Variants in EXPH5 observed in about 807,000 individuals in gnomAD.
The protein encoded by EXPH5 is exophilin-5.
A neutral mutation model predicts 41.1 loss-of-function variants in EXPH5; 42 were observed. That is an observed-to-expected ratio of 1.02 (90% CI 0.80 to 1.32). The LOEUF (loss-of-function observed/expected upper bound fraction) is 1.32, where lower values mean the gene tolerates loss of function less well. EXPH5 is among the 40% of genes most tolerant of loss of function. EXPH5 has a pLI of 0.00. For synonymous variants in EXPH5, 798 were observed against 833.5 expected, an observed-to-expected ratio of 0.96 and a Z score of 0.73; for missense variants, 2,298 against 2,314.5, an observed-to-expected ratio of 0.99 and a Z score of 0.15.
intron 1 of EXPH5, among the ~76,000 whole-genome samples, chr11:108,571,848 C>T (rs2094061267): frequency 6.6e-6 from 1 of 151,992 alleles, no homozygotes; most frequent in African/African-American, 2.4e-5. Flanking sequence ...ATCATGAGGT[C>T]AGGAGATCGA....
rs77468046 is a variant in EXPH5 at position 108,579,200 on chromosome 11, GTT to G, written c.119+14216_119+14217del. 8.3e-3 allele frequency among the ~76,000 whole-genome samples: 1,197 copies of G among 144,974 alleles called. 8 individuals are homozygous for G. The highest frequency in any genetic ancestry group is 0.02 in the African/African-American group (805 of 39,550). Reference sequence around the variant, plus strand: ...TCCTTCTATATGCAGTTTGTTGAGAGTTTTTTTTTTTTTTATCATGAAGAGAT... The same window carrying G: ...TCCTTCTATATGCAGTTTGTTGAGAGTTTTTTTTTTTTATCATGAAGAGAT... On this transcript the variant is annotated intron_variant, in intron 1 of 5. Transcript: ENST00000265843.
At chr11:108,600,540 A>T in the EXPH5 span, among the ~76,000 whole-genome samples, 1 of 152,310 alleles carries the variant, frequency 6.6e-6, no homozygotes, top group East Asian at 1.9e-4. Context: ...ACTAAATAGA[A>T]TTTGATAATT....
the EXPH5 span, among the ~76,000 whole-genome samples, chr11:108,601,651 G>A: frequency 0.97 from 147,582 of 152,320 alleles, 71,696 homozygotes; most frequent in East Asian, 1. Flanking sequence ...TATATTGTAA[G>A]TATTTGAATA....
intron 3 of EXPH5, among the ~76,000 whole-genome samples, chr11:108,530,709 A>G (rs1021675426): frequency 6.6e-6 from 1 of 152,194 alleles, no homozygotes; most frequent in African/African-American, 2.4e-5. Flanking sequence ...TGGCAGCAGG[A>G]GCAGGTTTCT....
At position 108,510,299 on chromosome 11, in the gene EXPH5, T is replaced by C; in HGVS notation, c.5208A>G (p.Thr1736=). The C allele has an allele frequency of 6.2e-7, 1 of 1,614,152 alleles. No homozygotes were observed. The highest frequency in any genetic ancestry group is 8.5e-7 in the Non-Finnish European group (1 of 1,180,042). ...ATTCTGCTTCCCTGAGGCTGGTGAATGTGATGGGTGATGGGGCTCCTGATT... is the reference window on the plus strand; with the variant it reads ...ATTCTGCTTCCCTGAGGCTGGTGAACGTGATGGGTGATGGGGCTCCTGATT... The part of the protein sequence containing the change: ...VRESGAPSPI[T]FTSLREAEFS... Residue 1736 remains threonine, a synonymous_variant, in exon 6 of 6, where the codon ACA becomes ACG. Coordinates refer to ENST00000265843, the MANE Select transcript of EXPH5 (RefSeq NM_015065.3).
chr11:108,572,078 T>C (rs2094062388), intron 1 of EXPH5, among the ~76,000 whole-genome samples: 1 of 149,904 alleles, frequency 6.7e-6, no homozygotes, highest in Non-Finnish European at 1.5e-5. Flanking sequence ...TGAACATAAC[T>C]GCTCAGTTTG....
Position 108,510,402 on chromosome 11 carries a change from T to G in EXPH5, c.5105A>C (p.Glu1702Ala), listed in dbSNP as rs750551739. Residue 1702 changes from glutamate to alanine, a missense_variant, in exon 6 of 6, where the codon GAG becomes GCG. Transcript: ENST00000265843. Reference protein sequence around the residue: ...SNSISQRHQNEFKNVSESPSK... With the variant: ...SNSISQRHQNAFKNVSESPSK... ...TGGTGATTCTGAGACGTTTTTAAAC[T>G]CATTCTGATGTCGTTGTGAAATGCT... 6 of 1,613,978 alleles carry G rather than the reference T, an allele frequency of 3.7e-6. No individual in the cohort carries two copies. Among genetic ancestry groups the G allele is most frequent in the Admixed American group, 1.7e-5 (1 of 59,898 alleles).
intron 3 of EXPH5, among the ~76,000 whole-genome samples, 155 bp downstream of exon 3, chr11:108,538,869 G>A (rs1777827027): frequency 6.6e-6 from 1 of 152,194 alleles, no homozygotes; most frequent in South Asian, 2.1e-4. Context: ...TAAGAACTTT[G>A]TCACTATGCA....
the EXPH5 span, among the ~76,000 whole-genome samples, chr11:108,606,039 T>A: frequency 2.6e-5 from 4 of 152,308 alleles, no homozygotes; most frequent in East Asian, 3.9e-4. Flanking sequence ...CTTCTTTTTT[T>A]AAAAATAGAG....
chr11:108,544,845 G>A (rs1459974669), intron 1 of EXPH5, among the ~76,000 whole-genome samples: 1 of 152,090 alleles, frequency 6.6e-6, no homozygotes, highest in African/African-American at 2.4e-5. Flanking sequence ...CACAAAAAAT[G>A]GAAAACACCT....
intron 2 of EXPH5, among the ~76,000 whole-genome samples, chr11:108,540,339 T>C (rs1274893553): frequency 6.6e-6 from 1 of 151,810 alleles, no homozygotes. Context: ...AATAAATAAA[T>C]AAAATTAAAC....
At chr11:108,581,125 G>A (rs776913559) in intron 1 of EXPH5, among the ~76,000 whole-genome samples, 7 of 152,046 alleles carry the variant, frequency 4.6e-5, no homozygotes, top group Admixed American at 3.3e-4. Flanking sequence ...GCAACATGGC[G>A]AAACCCTGTC....
At chr11:108,544,175 T>C (rs1201192201) in intron 1 of EXPH5, among the ~76,000 whole-genome samples, 1 of 152,166 alleles carries the variant, frequency 6.6e-6, no homozygotes, top group Non-Finnish European at 1.5e-5. Context: ...ACTCTCTTTT[T>C]ACAATTTTTA....
In EXPH5 at chr11:108,510,537, C is replaced by T; in HGVS notation, c.4970G>A (p.Ser1657Asn). The change falls in exon 6 of 6, where the codon AGC becomes AAC. Residue 1657 changes from serine to asparagine, a missense_variant. Physicochemically the swap from Ser to Asn is conservative, Grantham distance 46 (BLOSUM62 1). Transcript: ENST00000265843. ...ATGCTTTCCGTTCTCACTCAACCTG[C>T]TTTCGCCAATGGACTCTGCAGATTT... ...TPKSAESIGE[S>N]RLSENGKHVK... 1 of 1,614,158 alleles carries T rather than the reference C, an allele frequency of 6.2e-7. No individual in the cohort carries two copies. The highest frequency in any genetic ancestry group is 1.1e-5 in the South Asian group (1 of 91,074).
intron 1 of EXPH5, among the ~76,000 whole-genome samples, chr11:108,591,131 C>T (rs182776061): frequency 1.3e-3 from 191 of 152,340 alleles, no homozygotes; most frequent in African/African-American, 3.8e-3. Flanking sequence ...AGTAAAAAGG[C>T]TTCCCTGAGT....
chr11:108,562,692 G>A (rs1385218395), intron 1 of EXPH5, among the ~76,000 whole-genome samples: 1 of 152,176 alleles, frequency 6.6e-6, no homozygotes, highest in African/African-American at 2.4e-5. Context: ...GCCGGGCATG[G>A]TGGCTCACAC....
intron 1 of EXPH5, among the ~76,000 whole-genome samples, chr11:108,588,804 C>T (rs1346559953): frequency 1.3e-5 from 2 of 152,144 alleles, no homozygotes; most frequent in African/African-American, 2.4e-5. Context: ...AAGAACACTG[C>T]TGCTTGGCAT....
At chr11:108,549,486 C>T (rs549876480) in intron 1 of EXPH5, among the ~76,000 whole-genome samples, 10 of 152,296 alleles carry the variant, frequency 6.6e-5, no homozygotes, top group African/African-American at 2.4e-4. Context: ...CCTTGCTGAC[C>T]TTTGCTTGTC....
chr11:108,560,876 C>A (rs2094008427), intron 1 of EXPH5, among the ~76,000 whole-genome samples: 1 of 152,174 alleles, frequency 6.6e-6, no homozygotes, highest in Admixed American at 6.5e-5. Flanking sequence ...ATCATTTTAA[C>A]TTTCAGATTC....
Sources: gnomAD v4.1 joint callset for allele counts (sites outside exome capture counted in the v4.1 genomes callset) on GRCh38, gnomAD v4.1.1 for gene constraint, MANE v1.5 for transcripts, NCBI Gene and HGNC (gene_info 2026-07-23, HGNC 2026-07-21) for gene names.